The following ADCY1 variants were observed in gnomAD, a reference collection of about 807,000 sequenced individuals.
ADCY1 encodes adenylate cyclase type 1.
Under a neutral mutation model 105.4 loss-of-function variants are expected in ADCY1, and 28 were observed. The observed-to-expected ratio is 0.27, with a 90% confidence interval of 0.20 to 0.36. The LOEUF is 0.36. Among genes scored for constraint, ADCY1 ranks in the 10% least tolerant of loss-of-function variants. ADCY1 has a pLI of 1.00. For missense variants in ADCY1, 977 were observed against 1,434.2 expected, an observed-to-expected ratio of 0.68 and a Z score of 5.15; for synonymous variants, 655 against 623.8, an observed-to-expected ratio of 1.05 and a Z score of -0.75.
In ADCY1 at chr7:45,708,533, T is replaced by A. The variant is rs575650919; in HGVS notation, c.2932+69T>A. 7 of 1,207,070 alleles carry A rather than the reference T, an allele frequency of 5.8e-6. No individual in the cohort carries two copies. The South Asian group carries it at 9.0e-5, about 16-fold the overall frequency. 74.8% of individuals were successfully genotyped at this position (1,207,070 alleles called of 1,614,324 possible). On this transcript the variant is annotated intron_variant, in intron 18 of 19. Coordinates refer to ENST00000297323, the MANE Select transcript of ADCY1 (RefSeq NM_021116.4). The surrounding 1 kb of genome is among the most constrained non-coding windows in gnomAD (Gnocchi z 4.7). ...TTCCTACACCCACCTAGGGGTGGGATCAGCTGATGAGGTACCCTGGTCTTA... is the reference window on the plus strand; with the variant it reads ...TTCCTACACCCACCTAGGGGTGGGAACAGCTGATGAGGTACCCTGGTCTTA...
Position 45,575,270 on chromosome 7 carries a change from C to T in ADCY1, c.639+88C>T. ...TGCCCGGAGTCGGGCGCGCTTTTTCCTATGCGGCGGGTGGGGACACTGAGG... is the reference window on the plus strand; with the variant it reads ...TGCCCGGAGTCGGGCGCGCTTTTTCTTATGCGGCGGGTGGGGACACTGAGG... On this transcript the variant is annotated intron_variant, in intron 1 of 19. Transcript: ENST00000297323. The surrounding 1 kb of genome is among the most constrained non-coding windows in gnomAD (Gnocchi z 4.7). 2 of 1,471,818 alleles carry T rather than the reference C, an allele frequency of 1.4e-6. No individual in the cohort carries two copies. The highest frequency in any genetic ancestry group is 1.8e-6 in the Non-Finnish European group (2 of 1,114,544). The allele number at this position is 1,471,818 out of a possible 1,614,324, so 91.2% of individuals were successfully genotyped here.
Position 45,657,812 on chromosome 7 carries a change from C to A in ADCY1, c.1234C>A (p.Arg412Ser), listed in dbSNP as rs536487311. ...GRVLCGVLGL[R>S]KWQYDVWSND... ...GGTCCTCTGTGGTGTCCTGGGCTTG[C>A]GCAAGTGGCAGTACGACGTGTGGTC... Residue 412 changes from arginine (R) to serine (S), a missense_variant, in exon 6 of 20, where the codon CGC (arginine) becomes AGC (serine). Around this residue, in one of 7 missense-constraint regions of ADCY1, gnomAD observed 196 missense variants for 347.8 expected, o/e 0.56. Transcript: ENST00000297323. 1.9e-5 allele frequency: 31 copies of A among 1,613,366 alleles called. No homozygotes were observed. The highest frequency in any genetic ancestry group is 2.6e-5 in the Non-Finnish European group (31 of 1,179,906).
At position 45,710,388 on chromosome 7, in the gene ADCY1, C is replaced by T. The variant is rs1562734981; in HGVS notation, c.2933-140C>T. The T allele has an allele frequency of 6.5e-6, 8 of 1,226,752 alleles. No homozygotes were observed. The highest frequency in any genetic ancestry group is 9.0e-6 in the Non-Finnish European group (8 of 888,992). 76.0% of individuals were successfully genotyped at this position (1,226,752 alleles called of 1,614,324 possible). ...TGATGCTTCAGGAAGGAGCCTGGTGCTAGGTGACCCCAGGAAACAAAGCCC... is the reference window on the plus strand; with the variant it reads ...TGATGCTTCAGGAAGGAGCCTGGTGTTAGGTGACCCCAGGAAACAAAGCCC... On this transcript the variant is annotated intron_variant, in intron 18 of 19. Coordinates refer to ENST00000297323, the MANE Select transcript of ADCY1 (RefSeq NM_021116.4). The surrounding 1 kb of genome is among the most constrained non-coding windows in gnomAD (Gnocchi z 4.7).
At chr7:45,670,679 G>A (rs2116160472) in intron 8 of ADCY1, among the ~76,000 whole-genome samples, 1 of 152,262 alleles carries the variant, frequency 6.6e-6, no homozygotes. Context: ...GTGGACCTGT[G>A]CCCATCAGCC....
intron 8 of ADCY1, among the ~76,000 whole-genome samples, chr7:45,666,544 T>A (rs1584318233): frequency 6.6e-6 from 1 of 152,258 alleles, no homozygotes; most frequent in African/African-American, 2.4e-5. Context: ...ACATTTGGGT[T>A]GGTTCCAAGT....
At chr7:45,629,926 C>A (rs1442798789) in intron 4 of ADCY1, among the ~76,000 whole-genome samples, 1 of 152,226 alleles carries the variant, frequency 6.6e-6, no homozygotes, top group Non-Finnish European at 1.5e-5. Context: ...TCCTCATCAG[C>A]ACTTGATGTG....
chr7:45,702,428 T>C (rs1031789530), intron 14 of ADCY1, among the ~76,000 whole-genome samples: 1 of 152,238 alleles, frequency 6.6e-6, no homozygotes, highest in African/African-American at 2.4e-5. Context: ...TGGCTTGTGG[T>C]GGCCAGGCCA....
intron 2 of ADCY1, among the ~76,000 whole-genome samples, chr7:45,607,560 A>G (rs1793412234): frequency 1.3e-5 from 2 of 152,214 alleles, no homozygotes; most frequent in South Asian, 4.1e-4. Context: ...ACTAAAGCAT[A>G]GTACCCAGTA....
chr7:45,668,361 GC>G (rs1784303364), intron 8 of ADCY1, among the ~76,000 whole-genome samples: 1 of 152,154 alleles, frequency 6.6e-6, no homozygotes, highest in South Asian at 2.1e-4. Context: ...TTTGTCAAAG[GC>G]CTTTTCTGCA....
rs773733958 is a variant in ADCY1, at chr7:45,713,836, C to A, written c.3201C>A (p.Ser1067=). The A allele has an allele frequency of 1.3e-6, 1 of 780,932 alleles. No individual in the cohort carries two copies. Among genetic ancestry groups the A allele is most frequent in the Non-Finnish European group, 2.4e-6 (1 of 418,148 alleles). 48.4% of individuals were successfully genotyped at this position (780,932 alleles called of 1,614,324 possible). A position where few individuals can be genotyped will look rare whatever the true frequency, so the allele number is the denominator to read the frequency against. ...RTDGNGSQIR[S]LGLDRKMCPF... ...ATGGAAACGGCTCCCAAATCAGGTC[C>A]CTGGGCTTGGATCGGAAAATGTGTC... is the stretch of plus-strand genomic sequence containing the variant. The change falls in exon 20 of 20, where the codon TCC becomes TCA. Residue 1067 remains serine, a synonymous_variant. Coordinates refer to ENST00000297323, the MANE Select transcript of ADCY1 (RefSeq NM_021116.4).
chr7:45,696,953 T>C (rs1458580587), intron 14 of ADCY1, among the ~76,000 whole-genome samples: 1 of 152,178 alleles, frequency 6.6e-6, no homozygotes, highest in Non-Finnish European at 1.5e-5. Context: ...TAATTTATTC[T>C]AATTAAGGGG....
chr7:45,673,282 A>G lies in ADCY1; in HGVS notation c.1606-4587A>G, dbSNP rs147242227. ...TTCGTCTGGTGTTGGTATCAGGGTA[A>G]TACTGACTTTGTAAAGTGACTTGGG... On this transcript the variant is annotated intron_variant, in intron 8 of 19. Transcript: ENST00000297323. 7.4e-4 allele frequency among the ~76,000 whole-genome samples: 112 copies of G among 152,190 alleles called. 1 individual carries two copies. The highest frequency in any genetic ancestry group is 2.4e-3 in the African/African-American group (100 of 41,548).
At chr7:45,624,811 G>A (rs560799645) in intron 4 of ADCY1, among the ~76,000 whole-genome samples, 2 of 152,274 alleles carry the variant, frequency 1.3e-5, no homozygotes, top group East Asian at 3.9e-4. Context: ...TTTCTGGAGG[G>A]TCCCGCTTGG....
intron 4 of ADCY1, among the ~76,000 whole-genome samples, chr7:45,623,153 C>T (rs1458094278): frequency 6.6e-6 from 1 of 152,208 alleles, no homozygotes; most frequent in African/African-American, 2.4e-5. Context: ...TGCCACCCTC[C>T]TGGGATTGAA....
intron 3 of ADCY1, among the ~76,000 whole-genome samples, chr7:45,610,731 TGGAGGTGGGGAGGTG>T (rs1793519018): frequency 3.1e-5 from 1 of 32,648 alleles, no homozygotes; most frequent in Non-Finnish European, 6.5e-5. Context: ...GAGGGGATAG[TGGAGGTGGGGAGGTG>T]ATGATGGAGG....
chr7:45,602,224 C>T (rs1793258769), intron 2 of ADCY1, among the ~76,000 whole-genome samples: 2 of 151,648 alleles, frequency 1.3e-5, no homozygotes, highest in South Asian at 4.2e-4. Flanking sequence ...AGTGCAGCTC[C>T]ACTGGGTGGT....
chr7:45,691,055 G>A (rs1784777789), intron 14 of ADCY1, among the ~76,000 whole-genome samples: 1 of 152,174 alleles, frequency 6.6e-6, no homozygotes, highest in Non-Finnish European at 1.5e-5. Context: ...CCAGTTGAGG[G>A]ACACTTCTGG....
At chr7:45,602,451 G>A (rs1479306655) in intron 2 of ADCY1, among the ~76,000 whole-genome samples, 2 of 152,142 alleles carry the variant, frequency 1.3e-5, no homozygotes, top group Admixed American at 6.5e-5. Flanking sequence ...AGCCCTGGCT[G>A]TTCCTCAGAT....
chr7:45,694,567 A>G (rs1784846893), intron 14 of ADCY1, among the ~76,000 whole-genome samples: 1 of 152,232 alleles, frequency 6.6e-6, no homozygotes, highest in African/African-American at 2.4e-5. Flanking sequence ...AAATTAAACC[A>G]AAAGTAATCA....
Sources: allele counts gnomAD v4.1 joint callset (sites outside exome capture counted in the v4.1 genomes callset), GRCh38; gene constraint gnomAD v4.1.1; regional missense constraint gnomAD v4.1.1; non-coding constraint Gnocchi (gnomAD v3.1); transcripts MANE v1.5; gene names NCBI Gene and HGNC (gene_info 2026-07-23, HGNC 2026-07-21).